PDE1C: variants seen among roughly 807,000 people sequenced by gnomAD.
PDE1C encodes phosphodiesterase 1C.
PDE1C carries 62 observed loss-of-function variants against 93.1 expected under a neutral mutation model. The observed-to-expected ratio is 0.67, with a 90% CI of 0.54 to 0.82. PDE1C has a LOEUF of 0.82. PDE1C is among the 40% of genes least tolerant of loss of function. PDE1C has a pLI of 0.00. For missense variants in PDE1C, 742 were observed against 884.6 expected (o/e 0.84, Z 2.04); for synonymous variants, 325 against 310.1 (o/e 1.05, Z -0.50).
intron 2 of PDE1C, among the ~76,000 whole-genome samples, chr7:31,986,431 T>C (rs1003275): frequency 0.61 from 92,687 of 152,048 alleles, 28,920 homozygotes; most frequent in African/African-American, 0.75. Context: ...AAAGTCACAT[T>C]CTGAGGTTCT....
chr7:31,890,849 C>T (rs1002960098), intron 2 of PDE1C, among the ~76,000 whole-genome samples: 2 of 151,730 alleles, frequency 1.3e-5, no homozygotes, highest in African/African-American at 4.9e-5. Context: ...CCGTGAGAAA[C>T]CTCTAAGGTG....
chr7:31,764,622 A>G (rs1795029208), intron 17 of PDE1C, among the ~76,000 whole-genome samples: 1 of 152,212 alleles, frequency 6.6e-6, no homozygotes, highest in Non-Finnish European at 1.5e-5. Context: ...CGTTGCGTTT[A>G]TTATGCCGAG....
In PDE1C at chr7:31,914,762, C is replaced by T. The variant is rs372667068; in HGVS notation, c.129-33902G>A. Among the ~76,000 whole-genome samples, 10 of 152,276 alleles carry T rather than the reference C, an allele frequency of 6.6e-5. 1 individual carries two copies. The South Asian group carries it at 1.0e-3, about 16-fold the overall frequency. The stretch of plus-strand genomic sequence containing the variant: ...TGAATTTTTTCTTCTATTTTAAATG[C>T]TGCCTTGTACCATTTATAATAGCAA... On this transcript the variant is annotated intron_variant, in intron 2 of 17. Transcript: ENST00000396191.
chr7:31,719,198 C>A, the PDE1C span, among the ~76,000 whole-genome samples: 1 of 152,306 alleles, frequency 6.6e-6, no homozygotes, highest in South Asian at 2.1e-4. Context: ...CTGAAGGTAG[C>A]CTGGATTTCT....
At chr7:31,689,578 G>C in the PDE1C span, among the ~76,000 whole-genome samples, 1 of 152,010 alleles carries the variant, frequency 6.6e-6, no homozygotes, top group African/African-American at 2.4e-5. Flanking sequence ...AATTAGACCG[G>C]CTCATGTCTT....
chr7:32,385,959 G>T (rs951340162), intron 1 of PDE1C, among the ~76,000 whole-genome samples: 14 of 152,060 alleles, frequency 9.2e-5, no homozygotes, highest in African/African-American at 3.4e-4. Flanking sequence ...AACAGGACTG[G>T]GACCTGTCCC....
At chr7:32,242,212 T>C (rs1404923081) in intron 1 of PDE1C, among the ~76,000 whole-genome samples, 2 of 152,014 alleles carry the variant, frequency 1.3e-5, no homozygotes, top group African/African-American at 2.4e-5. Flanking sequence ...GTGATTGTAA[T>C]GGTAGCCCAT....
intron 16 of PDE1C, among the ~76,000 whole-genome samples, chr7:31,777,928 G>A (rs977735708): frequency 6.6e-6 from 1 of 152,146 alleles, no homozygotes; most frequent in Non-Finnish European, 1.5e-5. Context: ...GGCTGTAGCT[G>A]TGCTTCAGTT....
At chr7:31,892,809 G>A (rs1453053822) in intron 2 of PDE1C, among the ~76,000 whole-genome samples, 1 of 152,152 alleles carries the variant, frequency 6.6e-6, no homozygotes, top group Non-Finnish European at 1.5e-5. Flanking sequence ...CAAAGTTCCA[G>A]TTACACAGAA....
chr7:31,729,061 C>G, the PDE1C span, among the ~76,000 whole-genome samples: 33 of 152,164 alleles, frequency 2.2e-4, no homozygotes, highest in Non-Finnish European at 3.1e-4. Context: ...TCTTTGGAGC[C>G]TTGCCTCCCC....
intron 2 of PDE1C, among the ~76,000 whole-genome samples, chr7:32,035,148 T>C (rs1016180857): frequency 6.6e-6 from 1 of 152,048 alleles, no homozygotes; most frequent in African/African-American, 2.4e-5. Context: ...TAATGGCTAA[T>C]GTCAGCATGA....
intron 17 of PDE1C, among the ~76,000 whole-genome samples, chr7:31,775,363 G>A (rs1795756497): frequency 6.6e-6 from 1 of 152,110 alleles, no homozygotes; most frequent in Admixed American, 6.5e-5. Context: ...TACTTCCCTT[G>A]CACGATCTGC....
chr7:31,629,086 T>C, the PDE1C span, among the ~76,000 whole-genome samples: 2 of 152,220 alleles, frequency 1.3e-5, no homozygotes, highest in African/African-American at 4.8e-5. Flanking sequence ...ATTGTTCACT[T>C]AGCCCTGGAA....
intron 1 of PDE1C, among the ~76,000 whole-genome samples, chr7:32,315,921 G>T (rs1783160602): frequency 6.6e-6 from 1 of 152,220 alleles, no homozygotes; most frequent in Non-Finnish European, 1.5e-5. Context: ...CTTGAACCCA[G>T]GAGGCCAAAG....
chr7:32,416,293 G>A (rs76535706), intron 1 of PDE1C, among the ~76,000 whole-genome samples: 2,073 of 152,214 alleles, frequency 0.014, 52 homozygotes, highest in African/African-American at 0.048. Flanking sequence ...GGAATGCCCC[G>A]GACGTACATA....
At chr7:32,135,590 C>T (rs1208125819) in intron 3 of PDE1C, among the ~76,000 whole-genome samples, 1 of 152,042 alleles carries the variant, frequency 6.6e-6, no homozygotes, top group African/African-American at 2.4e-5. Context: ...TGTTAAGTGG[C>T]TATTATCAAG....
At chr7:32,284,674 C>G (rs74793679) in intron 1 of PDE1C, among the ~76,000 whole-genome samples, 1,953 of 152,272 alleles carry the variant, frequency 0.013, 36 homozygotes, top group African/African-American at 0.044. Flanking sequence ...CCATCCCCAA[C>G]CTCATCCATC....
chr7:31,882,827 A>C (rs536762702), intron 2 of PDE1C, among the ~76,000 whole-genome samples: 2 of 152,172 alleles, frequency 1.3e-5, no homozygotes, highest in Non-Finnish European at 2.9e-5. Context: ...AGAAGATCCT[A>C]TCTACCTATA....
intron 1 of PDE1C, among the ~76,000 whole-genome samples, chr7:32,255,222 C>G (rs1423639751): frequency 6.6e-6 from 1 of 152,144 alleles, no homozygotes; most frequent in Admixed American, 6.5e-5. Flanking sequence ...CAAGGCCTCT[C>G]AGATGGGAGA....
Sources: allele counts gnomAD v4.1 joint callset (sites outside exome capture counted in the v4.1 genomes callset), GRCh38; gene constraint gnomAD v4.1.1; transcripts MANE v1.5; gene names NCBI Gene and HGNC (gene_info 2026-07-23, HGNC 2026-07-21).